PLCB3: variants seen among roughly 807,000 people sequenced by gnomAD.
PLCB3 encodes phospholipase C beta 3.
Under a neutral mutation model 152.1 loss-of-function variants are expected in PLCB3, and 54 were observed. The ratio of observed to expected loss-of-function variants is 0.36; its 90% confidence interval spans 0.29 to 0.45. The LOEUF (loss-of-function observed/expected upper bound fraction) is 0.45, where lower values mean the gene tolerates loss of function less well. Among genes scored for constraint, PLCB3 ranks in the 20% least tolerant of loss-of-function variants. The pLI is 1.00. For missense variants in PLCB3, 1,248 were observed against 1,687.5 expected (o/e 0.74, Z 4.56); for synonymous variants, 717 against 698.7 (o/e 1.03, Z -0.41).
chr11:64,257,007 T>TG (rs2031570971), intron 10 of PLCB3, among the ~76,000 whole-genome samples: 1 of 129,156 alleles, frequency 7.7e-6, no homozygotes, highest in Non-Finnish European at 1.8e-5. Flanking sequence ...CTTTTTTTTT[T>TG]TTTTTTTTTT....
rs368677771 is a variant in PLCB3, at chr11:64,261,557, G to A, written c.1829-24G>A. On this transcript the variant is annotated intron_variant, in intron 15 of 30. Transcript: ENST00000279230. Reference sequence around the variant, plus strand: ...CCAGCTCAGCCCTGCCAGGTCTGACGCCCTTTCTTGGCTCACCCCTAAGAG... The same window carrying A: ...CCAGCTCAGCCCTGCCAGGTCTGACACCCTTTCTTGGCTCACCCCTAAGAG... 58 of 1,612,738 alleles carry A rather than the reference G, an allele frequency of 3.6e-5. No individual in the cohort carries two copies. In the African/African-American group the frequency reaches 5.2e-4, roughly 14 times the overall value.
In PLCB3 at chr11:64,267,398, C is replaced by T. The variant is rs1161210162; in HGVS notation, c.3547C>T (p.Leu1183Phe). Reference protein sequence around the residue: ...AQECQEQRARLPQEIRRSLLG... With the variant: ...AQECQEQRARFPQEIRRSLLG... ...GGAGTGTCAGGAGCAGCGGGCGAGG[C>T]TCCCCCAGGAGATCCGCCGGAGCCT... is the stretch of plus-strand genomic sequence containing the variant. The change falls in exon 31 of 31, where the codon CTC (leucine) becomes TTC (phenylalanine). Residue 1183 changes from leucine (L) to phenylalanine (F), a missense_variant. Transcript: ENST00000279230. This position sits in a 1 kb window ranked among gnomAD's most constrained non-coding sequence, Gnocchi z 5.2. 1 of 1,540,794 alleles carries T rather than the reference C, an allele frequency of 6.5e-7. No individual in the cohort carries two copies. Among genetic ancestry groups the T allele is most frequent in the Non-Finnish European group, 8.8e-7 (1 of 1,141,976 alleles).
chr11:64,263,698 C>T lies in PLCB3; in HGVS notation c.2463C>T (p.His821=). The change falls in exon 21 of 31, where the codon CAC becomes CAT. Residue 821 remains histidine (H), a synonymous_variant. Transcript: ENST00000279230. Reference sequence around the variant, plus strand: ...GCCTTCCTGACCACCCAGGATACCACTACGTCTGCCTGCGGAACGAGGCCA... The same window carrying T: ...GCCTTCCTGACCACCCAGGATACCATTACGTCTGCCTGCGGAACGAGGCCA... ...LPVSAIRSGY[H]YVCLRNEANQ... is the part of the protein sequence containing the mutation. 1 of 1,613,438 alleles carries T rather than the reference C, an allele frequency of 6.2e-7. No homozygotes were observed. Among genetic ancestry groups the T allele is most frequent in the Non-Finnish European group, 8.5e-7 (1 of 1,179,826 alleles).
Position 64,263,672 on chromosome 11 carries a change from T to C in PLCB3, c.2456-19T>C, listed in dbSNP as rs554678060. 1.2e-6 allele frequency: 2 copies of C among 1,611,714 alleles called. No homozygotes were observed. Among genetic ancestry groups the C allele is most frequent in the Admixed American group, 1.7e-5 (1 of 60,000 alleles). Reference sequence around the variant, plus strand: ...CCCACCTGGCCCAGCAACCCAACGTTGCCTTCCTGACCACCCAGGATACCA... The same window carrying C: ...CCCACCTGGCCCAGCAACCCAACGTCGCCTTCCTGACCACCCAGGATACCA... On this transcript the variant is annotated intron_variant, in intron 20 of 30. Coordinates refer to ENST00000279230, the MANE Select transcript of PLCB3 (RefSeq NM_000932.5).
intron 13 of PLCB3, 72 bp from the exon 14 acceptor site, chr11:64,259,957 G>A: frequency 7.5e-7 from 1 of 1,337,644 alleles, no homozygotes; most frequent in Non-Finnish European, 1.0e-6. Context: ...CACACACTGG[G>A]AAAAACCCCT....
chr11:64,251,628 C>T lies in PLCB3; in HGVS notation c.-22C>T. 1 of 1,384,738 alleles carries T rather than the reference C, an allele frequency of 7.2e-7. No individual in the cohort carries two copies. The highest frequency in any genetic ancestry group is 3.1e-5 in the East Asian group (1 of 31,990). The allele number at this position is 1,384,738 out of a possible 1,614,324, so 85.8% of individuals were successfully genotyped here. ...GTCCCCGTCAGGGCTCCGTGGGTCC[C>T]CGACCCGCCCCTGGCCGGGCCATGG... On this transcript the variant is annotated 5_prime_UTR_variant, in exon 1 of 31. Coordinates refer to ENST00000279230, the MANE Select transcript of PLCB3 (RefSeq NM_000932.5).
chr11:64,255,386 G>C lies in PLCB3; in HGVS notation c.468-10G>C. On this transcript the variant is annotated splice_polypyrimidine_tract_variant and intron_variant, in intron 5 of 30. Transcript: ENST00000279230. The surrounding 1 kb of genome is among the most constrained non-coding windows in gnomAD (Gnocchi z 6.8). ...TTTTCAGGGTGTGACCTCTTCATCT[G>C]CCTTCCCAGATACACGAAGCTGAAG... 6.2e-7 allele frequency: 1 copy of C among 1,614,124 alleles called. No individual in the cohort carries two copies. Among genetic ancestry groups the C allele is most frequent in the Non-Finnish European group, 8.5e-7 (1 of 1,180,024 alleles).
Position 64,263,559 on chromosome 11 carries a change from T to C in PLCB3, c.2417T>C (p.Val806Ala), listed in dbSNP as rs370452345. 6.2e-7 allele frequency: 1 copy of C among 1,607,512 alleles called. No homozygotes were observed. The highest frequency in any genetic ancestry group is 1.1e-5 in the South Asian group (1 of 90,578). Residue 806 changes from valine to alanine, a missense_variant, in exon 20 of 31, where the codon GTA becomes GCA. Coordinates refer to ENST00000279230, the MANE Select transcript of PLCB3 (RefSeq NM_000932.5). ...IAAFEEGGKFVGHRILPVSAI... is the reference protein window; with the variant it reads ...IAAFEEGGKFAGHRILPVSAI... Reference sequence around the variant, plus strand: ...GCCTTTGAGGAGGGGGGTAAATTCGTAGGGCACCGGATCCTGCCTGTCTCT... The same window carrying C: ...GCCTTTGAGGAGGGGGGTAAATTCGCAGGGCACCGGATCCTGCCTGTCTCT...
At position 64,258,001 on chromosome 11, in the gene PLCB3, A is replaced by G. The variant is rs1315750587; in HGVS notation, c.1013-472A>G. On this transcript the variant is annotated intron_variant, in intron 10 of 30. Coordinates refer to ENST00000279230, the MANE Select transcript of PLCB3 (RefSeq NM_000932.5). This position sits in a 1 kb window ranked among gnomAD's most constrained non-coding sequence, Gnocchi z 7.2. ...AAACCCCATCTCTACTAAAAATACA[A>G]AAATTAGCCAGGCATGGTGGTGGGC... is the stretch of plus-strand genomic sequence containing the variant. Among the ~76,000 whole-genome samples the G allele has an allele frequency of 6.6e-6, 1 of 152,020 alleles. No individual in the cohort carries two copies. The highest frequency in any genetic ancestry group is 1.5e-5 in the Non-Finnish European group (1 of 67,996).
chr11:64,255,880 G>C lies in PLCB3; in HGVS notation c.698+59G>C. 2 of 1,296,254 alleles carry C rather than the reference G, an allele frequency of 1.5e-6. No homozygotes were observed. Among genetic ancestry groups the C allele is most frequent in the South Asian group, 2.4e-5 (2 of 84,772 alleles). 80.3% of individuals were successfully genotyped at this position (1,296,254 alleles called of 1,614,324 possible). On this transcript the variant is annotated intron_variant, in intron 8 of 30. Coordinates refer to ENST00000279230, the MANE Select transcript of PLCB3 (RefSeq NM_000932.5). This position sits in a 1 kb window ranked among gnomAD's most constrained non-coding sequence, Gnocchi z 6.8. ...GCTCTGTGTTTAGCTTCTGCTTAGC[G>C]TGCCTCTAGCTCAATGGGGAGAGGG...
At position 64,266,896 on chromosome 11, in the gene PLCB3, C is replaced by A. The variant is rs1427454651; in HGVS notation, c.3415-289C>A. 6.6e-6 allele frequency among the ~76,000 whole-genome samples: 1 copy of A among 152,172 alleles called. No individual in the cohort carries two copies. Among genetic ancestry groups the A allele is most frequent in the African/African-American group, 2.4e-5 (1 of 41,426 alleles). Reference sequence around the variant, plus strand: ...CTCACTGCAACCTCTTGGGTTCAAGCAATTCTCTTGCCTCAGCCTCCCGAG... The same window carrying A: ...CTCACTGCAACCTCTTGGGTTCAAGAAATTCTCTTGCCTCAGCCTCCCGAG... On this transcript the variant is annotated intron_variant, in intron 29 of 30. Coordinates refer to ENST00000279230, the MANE Select transcript of PLCB3 (RefSeq NM_000932.5). The surrounding 1 kb of genome is among the most constrained non-coding windows in gnomAD (Gnocchi z 4.9).
In PLCB3 at chr11:64,255,631, G is replaced by GGGGGA; in HGVS notation, c.597+15_597+16insGGGGA. 1.7e-6 allele frequency: 1 copy of GGGGGA among 604,060 alleles called. No homozygotes were observed. Among genetic ancestry groups the GGGGGA allele is most frequent in the Non-Finnish European group, 3.1e-6 (1 of 321,558 alleles). The allele number at this position is 604,060 out of a possible 1,614,324, so 37.4% of individuals were successfully genotyped here. On this transcript the variant is annotated intron_variant, in intron 7 of 30. Coordinates refer to ENST00000279230, the MANE Select transcript of PLCB3 (RefSeq NM_000932.5). This position sits in a 1 kb window ranked among gnomAD's most constrained non-coding sequence, Gnocchi z 6.8. Reference sequence around the variant, plus strand: ...AATTCAACCGGGTGTGTGGGGTGGGGACAGGGGCGGGGTGGGGTGTCACGG... The same window carrying GGGGGA: ...AATTCAACCGGGTGTGTGGGGTGGGGGGGGAACAGGGGCGGGGTGGGGTGTCACGG...
Position 64,267,798 on chromosome 11 carries a change from T to G in PLCB3, c.*242T>G. The G allele has an allele frequency of 2.2e-6, 1 of 465,024 alleles. No individual in the cohort carries two copies. Among genetic ancestry groups the G allele is most frequent in the Non-Finnish European group, 3.8e-6 (1 of 263,502 alleles). The allele number at this position is 465,024 out of a possible 1,614,324, so 28.8% of individuals were successfully genotyped here. A position where few individuals can be genotyped will look rare whatever the true frequency, so the allele number is the denominator to read the frequency against. On this transcript the variant is annotated 3_prime_UTR_variant, in exon 31 of 31. Transcript: ENST00000279230. This position sits in a 1 kb window ranked among gnomAD's most constrained non-coding sequence, Gnocchi z 5.2. ...CCCTGTGACACCCACACCCTCGAGC[T>G]AGCAGCGTCTCCTCCCTTCCCCGGG...
intron 8 of PLCB3, 58 bp from the exon 9 acceptor site, chr11:64,256,318 G>A: frequency 8.4e-6 from 13 of 1,540,458 alleles, no homozygotes; most frequent in Non-Finnish European, 1.2e-5. Context: ...CAAGGGCTTG[G>A]CGACGGGGTG....
Position 64,265,121 on chromosome 11 carries a change from G to A in PLCB3, c.2806+17G>A, listed in dbSNP as rs754238826. The A allele has an allele frequency of 5.8e-6, 9 of 1,553,088 alleles. No individual in the cohort carries two copies. Among genetic ancestry groups the A allele is most frequent in the South Asian group, 4.7e-5 (4 of 84,594 alleles). On this transcript the variant is annotated intron_variant, in intron 23 of 30. Coordinates refer to ENST00000279230, the MANE Select transcript of PLCB3 (RefSeq NM_000932.5). ...GCAGCCCAGGTAAGGAGTGGCCTGG[G>A]TCGGGGGTGGGCTGCAGGGAGGCAC... is the stretch of plus-strand genomic sequence containing the variant.
rs763355011 is a variant in PLCB3, at chr11:64,256,427, C to T, written c.750C>T (p.Ile250=). 4 of 1,613,756 alleles carry T rather than the reference C, an allele frequency of 2.5e-6. No homozygotes were observed. The highest frequency in any genetic ancestry group is 1.1e-5 in the South Asian group (1 of 91,090). The part of the protein sequence containing the change: ...YLTLEQLMDF[I]NQKQRDPRLN... The stretch of plus-strand genomic sequence containing the variant: ...CGCTGGAGCAGCTCATGGACTTCAT[C>T]AACCAGAAGCAACGCGACCCGAGAC... Residue 250 remains isoleucine, a synonymous_variant, in exon 9 of 31, where the codon ATC becomes ATT. Coordinates refer to ENST00000279230, the MANE Select transcript of PLCB3 (RefSeq NM_000932.5).
At chr11:64,260,938 G>C (rs1274249772) in intron 14 of PLCB3, among the ~76,000 whole-genome samples, 1 of 152,124 alleles carries the variant, frequency 6.6e-6, no homozygotes, top group African/African-American at 2.4e-5. Context: ...ATATGCTGAA[G>C]TATTTATGGG....
rs771050979 is a variant in PLCB3, at chr11:64,261,443, C to A, written c.1775C>A (p.Thr592Lys). The change falls in exon 15 of 31, where the codon ACG (threonine) becomes AAG (lysine). Residue 592 changes from threonine (T) to lysine (K), a missense_variant. Thr to Lys is a moderately conservative substitution (Grantham distance 78, BLOSUM62 -1). Coordinates refer to ENST00000279230, the MANE Select transcript of PLCB3 (RefSeq NM_000932.5). ...SEVNATEEMS[T>K]LVNYIEPVKF... ...GTGAATGCCACTGAGGAGATGTCCA[C>A]GCTTGTCAACTACATCGAACCTGTC... 1 of 1,614,116 alleles carries A rather than the reference C, an allele frequency of 6.2e-7. No homozygotes were observed.
At chr11:64,261,317 A>C in intron 14 of PLCB3, 83 bp from the exon 15 acceptor site, 1 of 977,292 alleles carries the variant, frequency 1.0e-6, no homozygotes, top group South Asian at 1.3e-5. Context: ...GAAGAGGGTC[A>C]GCACCTCCTT....
Sources: gnomAD v4.1 joint callset for allele counts (sites outside exome capture counted in the v4.1 genomes callset) on GRCh38, gnomAD v4.1.1 for gene constraint, Gnocchi (gnomAD v3.1) non-coding constraint, MANE v1.5 for transcripts, NCBI Gene and HGNC (gene_info 2026-07-23, HGNC 2026-07-21) for gene names.